Variants in DLGAP2 observed in about 807,000 individuals in gnomAD.
DLGAP2 encodes disks large-associated protein 2.
DLGAP2 carries 26 observed loss-of-function variants against 100.3 expected under a neutral mutation model. That is an observed-to-expected ratio of 0.26 (90% confidence interval 0.19 to 0.36). The LOEUF (loss-of-function observed/expected upper bound fraction) is 0.36, where lower values mean the gene tolerates loss of function less well. Ranked by LOEUF, DLGAP2 falls within the 10% of genes least tolerant of loss-of-function variation. The pLI, the probability that DLGAP2 is intolerant of heterozygous loss-of-function variation, is 1.00. For synonymous variants in DLGAP2, 886 were observed against 630.1 expected (o/e 1.41, Z -6.08); for missense variants, 1,858 against 1,453.2 (o/e 1.28, Z -4.53).
chr8:1,285,858 A>G (rs912273271), intron 3 of DLGAP2, among the ~76,000 whole-genome samples: 7 of 152,056 alleles, frequency 4.6e-5, no homozygotes, highest in Admixed American at 1.3e-4. Flanking sequence ...AACCCCACCA[A>G]TCCTTGCAAG....
At chr8:836,854 G>A (rs1416292631) in intron 1 of DLGAP2, among the ~76,000 whole-genome samples, 4 of 152,294 alleles carry the variant, frequency 2.6e-5, no homozygotes, top group South Asian at 2.1e-4. Context: ...CAGACTCTGC[G>A]CTCGTCTCCT....
intron 1 of DLGAP2, among the ~76,000 whole-genome samples, chr8:748,239 C>T (rs71514200): frequency 3.5e-5 from 2 of 56,720 alleles, no homozygotes; most frequent in East Asian, 1.0e-3. Flanking sequence ...GTGGGATGGG[C>T]GGGTCTGCGG....
At chr8:1,435,077 G>A (rs1295473236) in intron 3 of DLGAP2, among the ~76,000 whole-genome samples, 1 of 152,178 alleles carries the variant, frequency 6.6e-6, no homozygotes, top group African/African-American at 2.4e-5. Context: ...TATTGCTCCT[G>A]GAAGCTTAGG....
intron 3 of DLGAP2, among the ~76,000 whole-genome samples, chr8:1,411,348 C>G (rs909392041): frequency 6.6e-6 from 1 of 152,178 alleles, no homozygotes; most frequent in Non-Finnish European, 1.5e-5. Context: ...GTTTTGAAGG[C>G]AGGGAATTAT....
At position 1,565,891 on chromosome 8, in the gene DLGAP2, A is replaced by T. The variant is rs1400645328; in HGVS notation, c.1439A>T (p.Gln480Leu). 34 of 1,601,038 alleles carry T rather than the reference A, an allele frequency of 2.1e-5. No homozygotes were observed. Among genetic ancestry groups the T allele is most frequent in the Non-Finnish European group, 2.7e-5 (32 of 1,174,178 alleles). Residue 480 changes from glutamine (Q) to leucine (L), a missense_variant, in exon 6 of 15, where the codon CAG becomes CTG. By Grantham distance (113) the Gln-to-Leu change is moderately radical. Coordinates refer to ENST00000637795, the MANE Select transcript of DLGAP2 (RefSeq NM_001346810.2). ...GGACAGAGACCGCTTGGAGAGCACC[A>T]GACGTAAGTGAGACCAGCTGCCTTC... The part of the protein sequence containing the change: ...SIGQRPLGEH[Q>L]TQTYLQAASD...
chr8:1,618,659 C>G (rs1480687966), intron 6 of DLGAP2, among the ~76,000 whole-genome samples: 2 of 152,212 alleles, frequency 1.3e-5, no homozygotes, highest in East Asian at 1.9e-4. Context: ...TGCGTTAAAT[C>G]TAATCGGGAC....
chr8:1,371,065 C>T (rs1422142397), intron 3 of DLGAP2, among the ~76,000 whole-genome samples: 1 of 152,222 alleles, frequency 6.6e-6, no homozygotes. Context: ...TTGGAAGCAG[C>T]CCTGGCTGAG....
At chr8:1,509,635 C>T (rs571414419) in intron 4 of DLGAP2, among the ~76,000 whole-genome samples, 1 of 152,044 alleles carries the variant, frequency 6.6e-6, no homozygotes, top group Admixed American at 6.5e-5. Context: ...GCAAAGCCTC[C>T]GCACATACAC....
chr8:1,503,647 G>A (rs1172209359), intron 4 of DLGAP2, among the ~76,000 whole-genome samples: 1 of 152,142 alleles, frequency 6.6e-6, no homozygotes, highest in Non-Finnish European at 1.5e-5. Flanking sequence ...GGAATTGGTG[G>A]ATCCCATGGT....
intron 3 of DLGAP2, among the ~76,000 whole-genome samples, chr8:1,324,439 T>C (rs528079162): frequency 1.3e-5 from 2 of 152,226 alleles, no homozygotes; most frequent in Middle Eastern, 3.2e-3. Flanking sequence ...TCGTCTGCGT[T>C]ACTGTCTGAA....
chr8:1,154,958 C>G (rs1796754894), intron 2 of DLGAP2, among the ~76,000 whole-genome samples: 1 of 152,188 alleles, frequency 6.6e-6, no homozygotes, highest in African/African-American at 2.4e-5. Flanking sequence ...ACTGCAGCCC[C>G]TCACCAGGAC....
At chr8:1,320,153 G>A (rs1800862037) in intron 3 of DLGAP2, among the ~76,000 whole-genome samples, 1 of 152,084 alleles carries the variant, frequency 6.6e-6, no homozygotes, top group African/African-American at 2.4e-5. Flanking sequence ...GACGGCCTGT[G>A]TTCCAGCTGA....
intron 2 of DLGAP2, among the ~76,000 whole-genome samples, chr8:1,178,663 C>T (rs1797312729): frequency 6.6e-6 from 1 of 152,126 alleles, no homozygotes. Flanking sequence ...CTCAAACCCA[C>T]CTTGAATGGA....
chr8:1,561,596 G>C (rs1035501180), intron 5 of DLGAP2, among the ~76,000 whole-genome samples: 1 of 152,188 alleles, frequency 6.6e-6, no homozygotes, highest in South Asian at 2.1e-4. Flanking sequence ...GTGAGCTGCC[G>C]TGTGCCTGGG....
intron 2 of DLGAP2, among the ~76,000 whole-genome samples, chr8:911,671 C>A (rs765099612): frequency 6.8e-6 from 1 of 146,332 alleles, no homozygotes; most frequent in Non-Finnish European, 1.5e-5. Flanking sequence ...TGGAAGGATG[C>A]GTATATAATG....
chr8:1,551,584 G>A (rs1801767550), intron 5 of DLGAP2, among the ~76,000 whole-genome samples: 1 of 152,118 alleles, frequency 6.6e-6, no homozygotes, highest in South Asian at 2.1e-4. Context: ...CACGGTCTAG[G>A]TGCAGGGAAT....
chr8:1,371,570 C>A (rs1226525276), intron 3 of DLGAP2, among the ~76,000 whole-genome samples: 1 of 152,246 alleles, frequency 6.6e-6, no homozygotes, highest in African/African-American at 2.4e-5. Flanking sequence ...TATCCTCTCA[C>A]TTCCCGTGAC....
chr8:994,157 A>G (rs1434896074), intron 2 of DLGAP2, among the ~76,000 whole-genome samples: 1 of 152,120 alleles, frequency 6.6e-6, no homozygotes, highest in Non-Finnish European at 1.5e-5. Context: ...AGTTTTGCGA[A>G]GTAGATAGAA....
chr8:1,012,168 TG>T (rs1319951195), intron 2 of DLGAP2, among the ~76,000 whole-genome samples: 2 of 152,162 alleles, frequency 1.3e-5, no homozygotes, highest in Non-Finnish European at 2.9e-5. Context: ...ATTTTCTCCT[TG>T]AAGTTCTGCC....
Sources: allele counts gnomAD v4.1 joint callset (sites outside exome capture counted in the v4.1 genomes callset), GRCh38; gene constraint gnomAD v4.1.1; transcripts MANE v1.5; gene names NCBI Gene and HGNC (gene_info 2026-07-23, HGNC 2026-07-21).